The following IQCE variants were observed in gnomAD, a reference collection of about 807,000 sequenced individuals.
IQCE encodes IQ motif containing E.
In IQCE, 115 loss-of-function variants were observed where a neutral mutation model predicts 96.0. The ratio of observed to expected loss-of-function variants is 1.20; its 90% CI spans 1.03 to 1.40. IQCE has a LOEUF of 1.40. Among genes scored for constraint, IQCE ranks in the 40% most tolerant of loss-of-function variants. IQCE has a pLI of 0.00. For synonymous variants in IQCE, 412 were observed against 371.2 expected (o/e 1.11, Z -1.26); for missense variants, 1,041 against 909.1 (o/e 1.15, Z -1.87).
At chr7:2,605,343 G>A (rs182370214) in intron 19 of IQCE, among the ~76,000 whole-genome samples, 22 of 152,306 alleles carry the variant, frequency 1.4e-4, no homozygotes, top group African/African-American at 4.6e-4. Flanking sequence ...ATAGTAGGCC[G>A]GGCGCGGTGG....
At chr7:2,604,462 C>T (rs1464765467) in intron 18 of IQCE, among the ~76,000 whole-genome samples, 2 of 152,230 alleles carry the variant, frequency 1.3e-5, no homozygotes, top group Admixed American at 6.5e-5. Flanking sequence ...AAGATCACTT[C>T]AGAGGTCTTG....
chr7:2,585,976 T>C (rs1562650398), intron 11 of IQCE, among the ~76,000 whole-genome samples: 1 of 151,966 alleles, frequency 6.6e-6, no homozygotes, highest in Non-Finnish European at 1.5e-5. Context: ...ACACGGTATT[T>C]TGTTACACAG....
At chr7:2,610,006 G>A (rs181519988) in intron 21 of IQCE, 38 bp from the exon 22 acceptor site, 1 of 1,181,938 alleles carries the variant, frequency 8.5e-7, no homozygotes, top group East Asian at 2.3e-5. Flanking sequence ...CCTGAGGTCA[G>A]CGTGGCTGAC....
At chr7:2,574,816 C>T (rs776569763) in intron 6 of IQCE, among the ~76,000 whole-genome samples, 3 of 152,188 alleles carry the variant, frequency 2.0e-5, no homozygotes, top group Non-Finnish European at 4.4e-5. Context: ...CTTCACTATT[C>T]TGTCCTCGAG....
At chr7:2,577,623 T>C (rs1221330737) in intron 6 of IQCE, among the ~76,000 whole-genome samples, 13 of 94,106 alleles carry the variant, frequency 1.4e-4, no homozygotes, top group Admixed American at 4.6e-4. Context: ...CGGGGACGTG[T>C]GTGCGGCGTG....
chr7:2,582,067 C>T (rs753828307), intron 8 of IQCE: 3 of 469,142 alleles, frequency 6.4e-6, no homozygotes, highest in South Asian at 4.7e-5. Context: ...AAGACATTCA[C>T]AGAAAAGGAG....
chr7:2,559,351 C>T (rs1332053372), intron 1 of IQCE, 134 bp downstream of exon 1: 15 of 402,032 alleles, frequency 3.7e-5, no homozygotes, highest in South Asian at 2.4e-4. Context: ...CGGGTGACAG[C>T]TGCCATTATT....
intron 17 of IQCE, among the ~76,000 whole-genome samples, chr7:2,599,968 AT>A (rs1784325785): frequency 6.6e-6 from 1 of 151,436 alleles, no homozygotes; most frequent in South Asian, 2.1e-4. Flanking sequence ...TAATTTTTGT[AT>A]TTTTATTAGA....
At chr7:2,587,932 G>GGGAC in intron 13 of IQCE, 55 bp downstream of exon 13, 1 of 1,526,382 alleles carries the variant, frequency 6.6e-7, no homozygotes, top group Non-Finnish European at 9.0e-7. Flanking sequence ...TCATGCTGTG[G>GGGAC]GGACGGGCTC....
chr7:2,560,518 A>G (rs1583369020), intron 1 of IQCE, among the ~76,000 whole-genome samples: 3 of 152,236 alleles, frequency 2.0e-5, no homozygotes, highest in Non-Finnish European at 2.9e-5. Flanking sequence ...CTTGTTCCCC[A>G]GGGCACCACG....
chr7:2,584,994 TA>T (rs1782984236), intron 11 of IQCE, among the ~76,000 whole-genome samples: 1 of 151,868 alleles, frequency 6.6e-6, no homozygotes, highest in Non-Finnish European at 1.5e-5. Context: ...GAGCGAATAC[TA>T]AACCACTGCT....
intron 12 of IQCE, 111 bp downstream of exon 12, chr7:2,586,482 A>G (rs2128454729): frequency 8.2e-7 from 1 of 1,221,930 alleles, no homozygotes; most frequent in East Asian, 2.5e-5. Flanking sequence ...GGCAGATGTG[A>G]ACCCTTGGGC....
rs369909640 is a variant in IQCE, at chr7:2,568,902, T to G, written c.85-52T>G. 21 of 1,529,992 alleles carry G rather than the reference T, an allele frequency of 1.4e-5. No individual in the cohort carries two copies. The African/African-American group carries it at 2.0e-4, about 15-fold the overall frequency. 94.8% of individuals were successfully genotyped at this position (1,529,992 alleles called of 1,614,324 possible). On this transcript the variant is annotated intron_variant, in intron 2 of 21. Coordinates refer to ENST00000402050, the MANE Select transcript of IQCE (RefSeq NM_152558.5). ...TTCTGAACATGGTAGGGTCTTGTGATGCACCACTGTGGGAGCTCAGCAAGC... is the reference window on the plus strand; with the variant it reads ...TTCTGAACATGGTAGGGTCTTGTGAGGCACCACTGTGGGAGCTCAGCAAGC...
chr7:2,567,570 C>T (rs568839786), intron 2 of IQCE, among the ~76,000 whole-genome samples: 4 of 152,202 alleles, frequency 2.6e-5, no homozygotes, highest in African/African-American at 4.8e-5. Context: ...CCTCCCAGCC[C>T]GGAAAGGAGA....
Position 2,612,196 on chromosome 7 carries a change from A to C in IQCE, c.*2034A>C, listed in dbSNP as rs992602079. On this transcript the variant is annotated 3_prime_UTR_variant, in exon 22 of 22. Coordinates refer to ENST00000402050, the MANE Select transcript of IQCE (RefSeq NM_152558.5). ...TTTCCTGCCTCAGGCTTGGAGGCCAATGTTCCATACATAAACCGCCATGTC... is the reference window on the plus strand; with the variant it reads ...TTTCCTGCCTCAGGCTTGGAGGCCACTGTTCCATACATAAACCGCCATGTC... 6.6e-6 allele frequency: 1 copy of C among 152,170 alleles called. No homozygotes were observed. Among genetic ancestry groups the C allele is most frequent in the African/African-American group, 2.4e-5 (1 of 41,432 alleles). The allele number at this position is 152,170 out of a possible 1,614,324, so 9.4% of individuals were successfully genotyped here. A position where few individuals can be genotyped will look rare whatever the true frequency, so the allele number is the denominator to read the frequency against.
At chr7:2,561,509 C>T (rs1780956209) in intron 1 of IQCE, among the ~76,000 whole-genome samples, 1 of 151,760 alleles carries the variant, frequency 6.6e-6, no homozygotes, top group Non-Finnish European at 1.5e-5. Flanking sequence ...CAAGCTCCGC[C>T]TCCCGGGTTC....
At chr7:2,563,364 TTAA>T (rs1274660305) in intron 1 of IQCE, among the ~76,000 whole-genome samples, 4 of 144,834 alleles carry the variant, frequency 2.8e-5, no homozygotes, top group African/African-American at 1.1e-4. Flanking sequence ...GCCCAGCTAA[TTAA>T]TTTTTTGTTG....
chr7:2,559,765 T>G (rs1421281775), intron 1 of IQCE, among the ~76,000 whole-genome samples: 11 of 34,856 alleles, frequency 3.2e-4, no homozygotes, highest in Non-Finnish European at 5.2e-4. Flanking sequence ...TGCATTCCAG[T>G]GGGGGGGGGG....
chr7:2,585,485 G>A (rs1175098532), intron 11 of IQCE, among the ~76,000 whole-genome samples: 7 of 152,222 alleles, frequency 4.6e-5, no homozygotes, highest in Admixed American at 3.3e-4. Context: ...GCGCATAAGC[G>A]TCTCCACGGG....
Sources: allele counts gnomAD v4.1 joint callset (sites outside exome capture counted in the v4.1 genomes callset), GRCh38; gene constraint gnomAD v4.1.1; transcripts MANE v1.5; gene names NCBI Gene and HGNC (gene_info 2026-07-23, HGNC 2026-07-21).